The following GPR39 variants were observed in gnomAD, a reference collection of about 807,000 sequenced individuals.
GPR39 encodes the protein G protein-coupled receptor 39.
A neutral mutation model predicts 18.4 loss-of-function variants in GPR39; 23 were observed. The observed-to-expected ratio is 1.25, with a 90% CI of 0.90 to 1.77. The LOEUF (loss-of-function observed/expected upper bound fraction) is 1.77, where lower values mean the gene tolerates loss of function less well. Ranked by LOEUF, GPR39 falls within the 40% of genes most tolerant of loss-of-function variation. The pLI is 0.00. For synonymous variants in GPR39, 280 were observed against 257.9 expected, an observed-to-expected ratio of 1.09 and a Z score of -0.82; for missense variants, 647 against 602.4, an observed-to-expected ratio of 1.07 and a Z score of -0.78.
intron 1 of GPR39, among the ~76,000 whole-genome samples, chr2:132,562,541 C>A (rs927857634): frequency 5.3e-5 from 8 of 152,204 alleles, no homozygotes; most frequent in African/African-American, 1.9e-4. Context: ...CAATCTGTCC[C>A]CAGCCTATTC....
intron 1 of GPR39, among the ~76,000 whole-genome samples, chr2:132,575,398 C>A (rs1209780991): frequency 6.6e-6 from 1 of 152,174 alleles, no homozygotes; most frequent in African/African-American, 2.4e-5. Context: ...CTCACACCTT[C>A]TACCTAGTTT....
intron 1 of GPR39, among the ~76,000 whole-genome samples, chr2:132,485,955 C>T (rs1286678995): frequency 6.6e-6 from 1 of 152,130 alleles, no homozygotes; most frequent in African/African-American, 2.4e-5. Context: ...GGATCGCTGA[C>T]AGCTATAGAC....
At chr2:132,449,247 G>GTTTGTTTGTTTGT (rs1234699933) in intron 1 of GPR39, among the ~76,000 whole-genome samples, 1 of 151,650 alleles carries the variant, frequency 6.6e-6, no homozygotes, top group African/African-American at 2.4e-5. Context: ...TTGTTTGTTT[G>GTTTGTTTGTTTGT]TTTGTTTTGT....
chr2:132,634,063 C>T (rs1681703746), intron 1 of GPR39, among the ~76,000 whole-genome samples: 1 of 140,650 alleles, frequency 7.1e-6, no homozygotes, highest in African/African-American at 3.1e-5. Flanking sequence ...GTGGGGGTGG[C>T]AGTAGTAGCA....
intron 1 of GPR39, among the ~76,000 whole-genome samples, chr2:132,494,040 A>G (rs1450108859): frequency 6.6e-6 from 1 of 151,938 alleles, no homozygotes; most frequent in Non-Finnish European, 1.5e-5. Flanking sequence ...GAGGGAGGAG[A>G]GCAGAAGGCA....
intron 1 of GPR39, among the ~76,000 whole-genome samples, chr2:132,625,151 C>T (rs1187135008): frequency 2.0e-5 from 3 of 151,208 alleles, no homozygotes; most frequent in Non-Finnish European, 2.9e-5. Flanking sequence ...GGCTTTTTCC[C>T]CTCTACCTTT....
At chr2:132,542,832 C>G (rs1444677184) in intron 1 of GPR39, among the ~76,000 whole-genome samples, 1 of 152,184 alleles carries the variant, frequency 6.6e-6, no homozygotes, top group African/African-American at 2.4e-5. Context: ...TCCCCTTTAT[C>G]TGAGCTGGGC....
chr2:132,553,184 AT>A (rs1199869344), intron 1 of GPR39, among the ~76,000 whole-genome samples: 8 of 151,552 alleles, frequency 5.3e-5, no homozygotes, highest in Admixed American at 1.3e-4. Flanking sequence ...AAGTGCTGGG[AT>A]TACAGGCATG....
At chr2:132,562,757 G>A (rs113290572) in intron 1 of GPR39, among the ~76,000 whole-genome samples, 12 of 152,142 alleles carry the variant, frequency 7.9e-5, no homozygotes, top group Admixed American at 3.9e-4. Context: ...CACACAGTAT[G>A]CACTCATGTA....
intron 1 of GPR39, among the ~76,000 whole-genome samples, chr2:132,463,650 G>C (rs1482606484): frequency 6.6e-6 from 1 of 152,148 alleles, no homozygotes; most frequent in African/African-American, 2.4e-5. Context: ...AAGCTTTACA[G>C]GAGTGCAGAG....
At chr2:132,446,696 G>T (rs1423661609) in intron 1 of GPR39, among the ~76,000 whole-genome samples, 3 of 152,112 alleles carry the variant, frequency 2.0e-5, no homozygotes, top group African/African-American at 7.2e-5. Flanking sequence ...GGGCAGCAAA[G>T]GAGTATGGGA....
chr2:132,437,384 A>G (rs1273314558), intron 1 of GPR39, among the ~76,000 whole-genome samples: 1 of 152,172 alleles, frequency 6.6e-6, no homozygotes, highest in Non-Finnish European at 1.5e-5. Flanking sequence ...ATACTCCTTC[A>G]TAGATGCTCC....
intron 1 of GPR39, among the ~76,000 whole-genome samples, chr2:132,619,763 A>C (rs143607339): frequency 0.022 from 3,334 of 151,924 alleles, 60 homozygotes; most frequent in South Asian, 0.064. Flanking sequence ...TACTCTCATC[A>C]GTCCTTGGGG....
Position 132,441,384 on chromosome 2 carries a change from CT to C in GPR39, c.856+23496del, listed in dbSNP as rs56044915. On this transcript the variant is annotated intron_variant, in intron 1 of 1. Transcript: ENST00000329321. ...CAGACTTTCTTTTCATGCATATATG[CT>C]TTTTTTTTTGTTGTTGTTGTTGTTG... is the stretch of plus-strand genomic sequence containing the variant. 5.3e-3 allele frequency among the ~76,000 whole-genome samples: 489 copies of C among 92,512 alleles called. 1 individual carries two copies. Among genetic ancestry groups the C allele is most frequent in the African/African-American group, 0.014 (446 of 31,322 alleles). The allele number at this position is 92,512 out of a possible 152,430, so 60.7% of individuals were successfully genotyped here.
At chr2:132,616,673 C>G (rs1201067084) in intron 1 of GPR39, among the ~76,000 whole-genome samples, 1 of 152,154 alleles carries the variant, frequency 6.6e-6, no homozygotes, top group Non-Finnish European at 1.5e-5. Flanking sequence ...GTATGTAGGT[C>G]AACTCCTGAT....
intron 1 of GPR39, among the ~76,000 whole-genome samples, chr2:132,422,124 A>G (rs1680022828): frequency 6.6e-6 from 1 of 152,126 alleles, no homozygotes. Context: ...CCATCTGATA[A>G]CCTTTGTGTT....
At chr2:132,433,525 A>G (rs1680259611) in intron 1 of GPR39, among the ~76,000 whole-genome samples, 1 of 151,978 alleles carries the variant, frequency 6.6e-6, no homozygotes, top group African/African-American at 2.4e-5. Context: ...CATGGGACTC[A>G]TACAAAGTGC....
chr2:132,440,871 C>T (rs2104764803), intron 1 of GPR39, among the ~76,000 whole-genome samples: 1 of 152,324 alleles, frequency 6.6e-6, no homozygotes, highest in African/African-American at 2.4e-5. Flanking sequence ...CAGGGCGTGA[C>T]TTTCCACAAC....
intron 1 of GPR39, among the ~76,000 whole-genome samples, chr2:132,456,907 T>G (rs991054635): frequency 5.3e-5 from 8 of 152,354 alleles, no homozygotes; most frequent in Admixed American, 3.3e-4. Context: ...TGGCTGCCCT[T>G]AACACTTTTT....
Sources: allele counts gnomAD v4.1 joint callset (sites outside exome capture counted in the v4.1 genomes callset), GRCh38; gene constraint gnomAD v4.1.1; transcripts MANE v1.5; gene names NCBI Gene and HGNC (gene_info 2026-07-23, HGNC 2026-07-21).